Variants in NALCN observed in about 807,000 individuals in gnomAD.
The protein encoded by NALCN is sodium leak channel NALCN.
NALCN carries 111 observed loss-of-function variants against 225.3 expected under a neutral mutation model. That is an observed-to-expected ratio of 0.49 (90% CI 0.42 to 0.58). NALCN has a LOEUF of 0.58. NALCN is among the 20% of genes least tolerant of loss of function. The pLI, the probability that NALCN is intolerant of heterozygous loss-of-function variation, is 0.00. For synonymous variants in NALCN, 764 were observed against 769.0 expected (o/e 0.99, Z 0.11); for missense variants, 1,378 against 2,202.4 (o/e 0.63, Z 7.49).
chr13:101,057,893 C>A (rs764289339), intron 43 of NALCN, 46 bp downstream of exon 43: 1 of 1,458,712 alleles, frequency 6.9e-7, no homozygotes, highest in Non-Finnish European at 9.6e-7. Context: ...AGAGTAAATA[C>A]CTTTAAAATG....
chr13:101,366,822 C>T (rs1051413216), intron 6 of NALCN, among the ~76,000 whole-genome samples: 2 of 152,104 alleles, frequency 1.3e-5, no homozygotes, highest in African/African-American at 2.4e-5. Flanking sequence ...ATATATAACG[C>T]ATTATTATTG....
chr13:101,411,971 TAG>T (rs1459683066), intron 1 of NALCN, among the ~76,000 whole-genome samples: 1 of 152,226 alleles, frequency 6.6e-6, no homozygotes, highest in African/African-American at 2.4e-5. Flanking sequence ...CTGATAATTT[TAG>T]AGAGGAAGTA....
rs1417134138 is a variant in NALCN, at chr13:101,258,294, G to C, written c.1266+149C>G. 12 of 1,209,148 alleles carry C rather than the reference G, an allele frequency of 9.9e-6. No individual in the cohort carries two copies. The African/African-American group carries it at 1.5e-4, about 15-fold the overall frequency. The allele number at this position is 1,209,148 out of a possible 1,614,324, so 74.9% of individuals were successfully genotyped here. A position where few individuals can be genotyped will look rare whatever the true frequency, so the allele number is the denominator to read the frequency against. On this transcript the variant is annotated intron_variant, in intron 11 of 43. Coordinates refer to ENST00000251127, the MANE Select transcript of NALCN (RefSeq NM_052867.4). ...AATGAATCAGGCCACACTGTGACCA[G>C]AGGAACCACTTAAGAAGCAGACAAT...
intron 10 of NALCN, among the ~76,000 whole-genome samples, chr13:101,281,876 C>T (rs1594596215): frequency 1.3e-5 from 2 of 151,960 alleles, no homozygotes; most frequent in East Asian, 3.8e-4. Flanking sequence ...CCAAAGAAGA[C>T]ATATGAATGG....
chr13:101,257,122 C>T (rs963825389), intron 11 of NALCN, among the ~76,000 whole-genome samples: 1 of 151,830 alleles, frequency 6.6e-6, no homozygotes, highest in African/African-American at 2.4e-5. Flanking sequence ...CAAAATTATA[C>T]CTATTTTTCA....
chr13:101,211,666 A>ATG (rs879765169), intron 13 of NALCN, among the ~76,000 whole-genome samples: 2 of 150,274 alleles, frequency 1.3e-5, no homozygotes, highest in African/African-American at 2.5e-5. Flanking sequence ...ATATATATAT[A>ATG]TATCTCATGG....
intron 10 of NALCN, among the ~76,000 whole-genome samples, chr13:101,261,914 T>C (rs1348494178): frequency 6.6e-6 from 1 of 152,200 alleles, no homozygotes; most frequent in Non-Finnish European, 1.5e-5. Context: ...GGCATCCTTG[T>C]CATGTTGCAG....
At chr13:101,373,175 AT>A (rs2046589709) in intron 6 of NALCN, 1 of 225,822 alleles carries the variant, frequency 4.4e-6, no homozygotes, top group Non-Finnish European at 9.2e-6. Flanking sequence ...AATACATTTA[AT>A]TTGTAATGAA....
chr13:101,397,109 T>TATAC lies in NALCN; in HGVS notation c.109-1745_109-1744insGTAT, dbSNP rs1169730118. 8.6e-3 allele frequency among the ~76,000 whole-genome samples: 693 copies of TATAC among 80,482 alleles called. 3 individuals are homozygous for TATAC. Among genetic ancestry groups the TATAC allele is most frequent in the Non-Finnish European group, 0.012 (493 of 39,702 alleles). The allele number at this position is 80,482 out of a possible 152,430, so 52.8% of individuals were successfully genotyped here. A position where few individuals can be genotyped will look rare whatever the true frequency, so the allele number is the denominator to read the frequency against. The stretch of plus-strand genomic sequence containing the variant: ...ATATATATATATATATATATATATA[T>TATAC]ACATACACATACATATATATAATGT... On this transcript the variant is annotated intron_variant, in intron 2 of 43. Transcript: ENST00000251127.
intron 7 of NALCN, among the ~76,000 whole-genome samples, chr13:101,298,254 T>C (rs1410219482): frequency 6.6e-5 from 10 of 152,140 alleles, no homozygotes; most frequent in Non-Finnish European, 1.3e-4. Context: ...ATGGGGTGGG[T>C]TGTGCTATAT....
intron 14 of NALCN, among the ~76,000 whole-genome samples, chr13:101,188,070 A>G (rs965935903): frequency 3.3e-5 from 5 of 152,194 alleles, no homozygotes; most frequent in Non-Finnish European, 5.9e-5. Flanking sequence ...AGAAATTCAC[A>G]TAAGTGGGCA....
Position 101,176,606 on chromosome 13 carries a change from A to G in NALCN, c.1765-232T>C, listed in dbSNP as rs1467509164. ...TTAACTTGCTTTATGAAACCAACTT[A>G]CTTAAAAAGGAAATTAAGAAAAAGG... On this transcript the variant is annotated intron_variant, in intron 14 of 43. Coordinates refer to ENST00000251127, the MANE Select transcript of NALCN (RefSeq NM_052867.4). 3.3e-5 allele frequency among the ~76,000 whole-genome samples: 5 copies of G among 152,222 alleles called. No homozygotes were observed. In the East Asian group the frequency reaches 9.6e-4, roughly 29 times the overall value.
chr13:101,160,627 A>C (rs537870744), intron 15 of NALCN, among the ~76,000 whole-genome samples: 15 of 152,252 alleles, frequency 9.9e-5, no homozygotes, highest in African/African-American at 3.4e-4. Flanking sequence ...GAGTTCTCCA[A>C]ATGTCTGCCT....
intron 10 of NALCN, 80 bp from the exon 11 acceptor site, chr13:101,258,654 C>G: frequency 6.3e-7 from 1 of 1,582,364 alleles, no homozygotes; most frequent in East Asian, 2.2e-5. Flanking sequence ...CCTTGGCTGA[C>G]AGCACCTTTG....
In NALCN at chr13:101,399,129, T is replaced by C. The variant is rs778397118; in HGVS notation, c.-3A>G. 13 of 1,612,982 alleles carry C rather than the reference T, an allele frequency of 8.1e-6. No individual in the cohort carries two copies. Among genetic ancestry groups the C allele is most frequent in the Middle Eastern group, 1.6e-4 (1 of 6,068 alleles). ...GAACTCTGCTTCCTTTTGAGCATGC[T>C]GAGGTTAGCTTTGGTGAGCAAGCAC... On this transcript the variant is annotated 5_prime_UTR_variant, in exon 2 of 44. Coordinates refer to ENST00000251127, the MANE Select transcript of NALCN (RefSeq NM_052867.4).
chr13:101,367,842 G>A (rs1320074201), intron 6 of NALCN, among the ~76,000 whole-genome samples: 1 of 151,992 alleles, frequency 6.6e-6, no homozygotes, highest in Non-Finnish European at 1.5e-5. Flanking sequence ...ATGGTCTTCA[G>A]AATAAAATGC....
At chr13:101,214,796 T>C (rs1383091609) in intron 13 of NALCN, among the ~76,000 whole-genome samples, 1 of 152,048 alleles carries the variant, frequency 6.6e-6, no homozygotes, top group Non-Finnish European at 1.5e-5. Context: ...CAAAGCTATA[T>C]AGTTATTGGT....
intron 15 of NALCN, among the ~76,000 whole-genome samples, chr13:101,146,305 C>T (rs2037340338): frequency 6.6e-6 from 1 of 152,212 alleles, no homozygotes; most frequent in South Asian, 2.1e-4. Flanking sequence ...GAAGGAGTCA[C>T]TGCTGTTCGT....
intron 10 of NALCN, among the ~76,000 whole-genome samples, chr13:101,267,968 A>G (rs1282495419): frequency 2.0e-5 from 3 of 152,194 alleles, no homozygotes; most frequent in Non-Finnish European, 4.4e-5. Context: ...GAGCAATGTG[A>G]TTGGTTCTCA....
Sources: allele counts gnomAD v4.1 joint callset (sites outside exome capture counted in the v4.1 genomes callset), GRCh38; gene constraint gnomAD v4.1.1; transcripts MANE v1.5; gene names NCBI Gene and HGNC (gene_info 2026-07-23, HGNC 2026-07-21).